Variants in MEI4 observed in about 807,000 individuals in gnomAD.
The protein encoded by MEI4 is meiotic double-stranded break formation protein 4, also known as meiosis-specific protein MEI4.
Under a neutral mutation model 31.4 loss-of-function variants are expected in MEI4, and 27 were observed. The ratio of observed to expected loss-of-function variants is 0.86; its 90% CI spans 0.63 to 1.19. MEI4 has a LOEUF of 1.19. MEI4 is among the 50% of genes most tolerant of loss of function. The pLI is 0.00. For missense variants in MEI4, 329 were observed against 398.9 expected, an observed-to-expected ratio of 0.82 and a Z score of 1.49; for synonymous variants, 122 against 145.4, an observed-to-expected ratio of 0.84 and a Z score of 1.16.
At chr6:77,746,739 A>T (rs1035989774) in intron 2 of MEI4, among the ~76,000 whole-genome samples, 2 of 152,000 alleles carry the variant, frequency 1.3e-5, no homozygotes, top group African/African-American at 4.8e-5. Flanking sequence ...AGTTAGAATC[A>T]GGATAACATA....
chr6:77,919,796 A>G (rs1397041303), intron 4 of MEI4, among the ~76,000 whole-genome samples: 2 of 149,142 alleles, frequency 1.3e-5, no homozygotes, highest in African/African-American at 2.4e-5. Context: ...AATAGACGCA[A>G]TAAAAAATGA....
chr6:77,892,812 C>G (rs530163354), intron 4 of MEI4, among the ~76,000 whole-genome samples: 1 of 152,164 alleles, frequency 6.6e-6, no homozygotes, highest in East Asian at 1.9e-4. Flanking sequence ...GGGCCCCAAA[C>G]AGTATATAGT....
At chr6:77,740,424 C>A (rs187357034) in intron 2 of MEI4, among the ~76,000 whole-genome samples, 1 of 152,150 alleles carries the variant, frequency 6.6e-6, no homozygotes, top group Admixed American at 6.6e-5. Flanking sequence ...AAGTCTCCCA[C>A]TATTACTGCA....
In MEI4 at chr6:77,787,722, A is replaced by C. The variant is rs555153201; in HGVS notation, c.768+26057A>C. 2.6e-5 allele frequency among the ~76,000 whole-genome samples: 4 copies of C among 152,330 alleles called. No individual in the cohort carries two copies. The South Asian group carries it at 8.3e-4, about 32-fold the overall frequency. ...AATAACCAACCATAAAGAAATGGAA[A>C]TCTAAAAATTACCTGAAAAAATTTC... On this transcript the variant is annotated intron_variant, in intron 3 of 4. Transcript: ENST00000684080.
At chr6:77,865,909 G>A (rs1179439940) in intron 4 of MEI4, among the ~76,000 whole-genome samples, 1 of 152,194 alleles carries the variant, frequency 6.6e-6, no homozygotes, top group African/African-American at 2.4e-5. Context: ...TCCCTGGGAT[G>A]CAAGGCTGGT....
intron 2 of MEI4, among the ~76,000 whole-genome samples, chr6:77,754,495 TTC>T (rs1375366458): frequency 6.6e-6 from 1 of 152,160 alleles, no homozygotes; most frequent in African/African-American, 2.4e-5. Flanking sequence ...GTTCCAAACT[TTC>T]TGACATCTTC....
At chr6:77,672,743 G>T (rs2446253) in intron 1 of MEI4, among the ~76,000 whole-genome samples, 118,107 of 151,984 alleles carry the variant, frequency 0.78, 46,167 homozygotes, top group African/African-American at 0.87. Context: ...TTTCACCTTG[G>T]TGGCCAGACT....
intron 4 of MEI4, among the ~76,000 whole-genome samples, chr6:77,912,392 G>T (rs1407311400): frequency 6.6e-6 from 1 of 151,938 alleles, no homozygotes; most frequent in Non-Finnish European, 1.5e-5. Flanking sequence ...GGATTGTATT[G>T]AATCTGTAGA....
At chr6:77,922,719 A>ATAAG (rs1453567201) in intron 4 of MEI4, among the ~76,000 whole-genome samples, 3 of 151,716 alleles carry the variant, frequency 2.0e-5, no homozygotes, top group Non-Finnish European at 4.4e-5. Context: ...TTATATCAAA[A>ATAAG]TAAGTACCAT....
chr6:77,735,197 G>T (rs1430970460), intron 2 of MEI4, among the ~76,000 whole-genome samples: 1 of 151,976 alleles, frequency 6.6e-6, no homozygotes, highest in African/African-American at 2.4e-5. Context: ...CTAGATTGGG[G>T]AAGTTCTCCT....
chr6:77,841,290 A>G (rs142181255), intron 4 of MEI4, among the ~76,000 whole-genome samples: 7 of 138,460 alleles, frequency 5.1e-5, no homozygotes, highest in African/African-American at 1.9e-4. Context: ...CTCTAAATAT[A>G]CTGAGAAAGG....
At chr6:77,825,607 C>T (rs73461123) in intron 3 of MEI4, among the ~76,000 whole-genome samples, 8,649 of 152,140 alleles carry the variant, frequency 0.057, 679 homozygotes, top group African/African-American at 0.17. Context: ...TAGCTTAAAT[C>T]GGGATAAGTG....
At chr6:77,739,018 T>C (rs1767326779) in intron 2 of MEI4, among the ~76,000 whole-genome samples, 1 of 152,202 alleles carries the variant, frequency 6.6e-6, no homozygotes, top group African/African-American at 2.4e-5. Flanking sequence ...AAAAATTTTC[T>C]CCCATTCTGT....
rs1050375313 is a variant in MEI4, at chr6:77,827,286, G to T, written c.769-1645G>T. Among the ~76,000 whole-genome samples the T allele has an allele frequency of 2.7e-5, 4 of 148,774 alleles. No homozygotes were observed. In the East Asian group the frequency reaches 8.0e-4, roughly 30 times the overall value. On this transcript the variant is annotated intron_variant, in intron 3 of 4. Coordinates refer to ENST00000684080, the MANE Select transcript of MEI4 (RefSeq NM_001322247.2). The stretch of plus-strand genomic sequence containing the variant: ...TGAGGCAGGAGAATGGTGTGAACCC[G>T]GAAGGCAGAGCTTGCAGTGAGTGGA...
At chr6:77,748,670 C>T (rs1767679066) in intron 2 of MEI4, among the ~76,000 whole-genome samples, 2 of 152,224 alleles carry the variant, frequency 1.3e-5, no homozygotes, top group South Asian at 4.1e-4. Context: ...ATGTAAATTT[C>T]TGCAGCTGGC....
At chr6:77,750,795 C>T (rs1016825314) in intron 2 of MEI4, among the ~76,000 whole-genome samples, 5 of 152,158 alleles carry the variant, frequency 3.3e-5, no homozygotes, top group African/African-American at 9.7e-5. Flanking sequence ...CAGGACTCTC[C>T]ACCCCAAATC....
rs77333325 is a variant in MEI4, at chr6:77,665,717, C to T, written c.-15+12625C>T. On this transcript the variant is annotated intron_variant, in intron 1 of 4. Coordinates refer to ENST00000684080, the MANE Select transcript of MEI4 (RefSeq NM_001322247.2). ...CGGAGTTTTGGGTCCACAGATAAAA[C>T]GTGTCTCCTTTGTCTCGCCCGGAAA... Among the ~76,000 whole-genome samples the T allele has an allele frequency of 7.2e-5, 11 of 152,146 alleles. 1 individual carries two copies. The highest frequency in any genetic ancestry group is 2.4e-4 in the African/African-American group (10 of 41,482).
At position 77,925,192 on chromosome 6, in the gene MEI4, T is replaced by G. The variant is rs1355434735; in HGVS notation, c.*1846T>G. 1 of 151,866 alleles carries G rather than the reference T, an allele frequency of 6.6e-6. No individual in the cohort carries two copies. The highest frequency in any genetic ancestry group is 1.9e-4 in the East Asian group (1 of 5,164). The allele number at this position is 151,866 out of a possible 1,614,324, so 9.4% of individuals were successfully genotyped here. ...AAGAGACTTTTGGAGCTACAACAAA[T>G]TTATTAATTTCAGTGGTCTCCAAGG... is the stretch of plus-strand genomic sequence containing the variant. On this transcript the variant is annotated 3_prime_UTR_variant, in exon 5 of 5. Coordinates refer to ENST00000684080, the MANE Select transcript of MEI4 (RefSeq NM_001322247.2).
rs75833485 is a variant in MEI4 at position 77,854,376 on chromosome 6, G to A, written c.900+25314G>A. ...GAAGTGAATAGAAAAAATGAATAAT[G>A]TACAATGCAGTGTTAATGTCAACAG... On this transcript the variant is annotated intron_variant, in intron 4 of 4. Transcript: ENST00000684080. 4.6e-3 allele frequency among the ~76,000 whole-genome samples: 680 copies of A among 148,506 alleles called. 3 individuals are homozygous for A. The highest frequency in any genetic ancestry group is 0.016 in the African/African-American group (657 of 40,622).
Sources: allele counts gnomAD v4.1 joint callset (sites outside exome capture counted in the v4.1 genomes callset), GRCh38; gene constraint gnomAD v4.1.1; transcripts MANE v1.5; gene names NCBI Gene and HGNC (gene_info 2026-07-23, HGNC 2026-07-21).